GLE1: variants seen among roughly 807,000 people sequenced by gnomAD.
GLE1 encodes the protein GLE1 RNA export mediator, also known as mRNA export factor GLE1.
In GLE1, 78 loss-of-function variants were observed where a neutral mutation model predicts 97.3. The ratio of observed to expected loss-of-function variants is 0.80; its 90% CI spans 0.67 to 0.97. The LOEUF (loss-of-function observed/expected upper bound fraction) is 0.97. GLE1 is among the 50% of genes least tolerant of loss of function. GLE1 has a pLI of 0.00. For missense variants in GLE1, 753 were observed against 857.5 expected, an observed-to-expected ratio of 0.88 and a Z score of 1.52; for synonymous variants, 302 against 313.4, an observed-to-expected ratio of 0.96 and a Z score of 0.39.
chr9:128,522,832 T>C lies in GLE1; in HGVS notation c.581+16T>C. 1 of 1,613,056 alleles carries C rather than the reference T, an allele frequency of 6.2e-7. No individual in the cohort carries two copies. Among genetic ancestry groups the C allele is most frequent in the Non-Finnish European group, 8.5e-7 (1 of 1,179,188 alleles). ...TGGAGAAGAGGTGAGTCTCCCTGAA[T>C]TATGACTGGGAATGTTGATGTGTTC... On this transcript the variant is annotated intron_variant, in intron 4 of 15. Coordinates refer to ENST00000309971, the MANE Select transcript of GLE1 (RefSeq NM_001003722.2).
chr9:128,533,972 A>G lies in GLE1; in HGVS notation c.1646+21A>G, dbSNP rs201532111. 3.2e-5 allele frequency: 46 copies of G among 1,450,496 alleles called. No individual in the cohort carries two copies. In the African/African-American group the frequency reaches 5.3e-4, roughly 17 times the overall value. 89.9% of individuals were successfully genotyped at this position (1,450,496 alleles called of 1,614,324 possible). A position where few individuals can be genotyped will look rare whatever the true frequency, so the allele number is the denominator to read the frequency against. On this transcript the variant is annotated intron_variant, in intron 11 of 15. Transcript: ENST00000309971. ...CAGAGGTAAAGTTGTTTTTCTCCCT[A>G]CTCACTATCCCTAGAGTGATTAATG...
intron 3 of GLE1, among the ~76,000 whole-genome samples, chr9:128,521,970 G>A (rs538067221): frequency 2.6e-5 from 4 of 152,278 alleles, no homozygotes; most frequent in Non-Finnish European, 5.9e-5. Flanking sequence ...TGGAGGTCCA[G>A]GAGAAAATCT....
At chr9:128,520,006 C>CTT (rs1847093592) in intron 3 of GLE1, among the ~76,000 whole-genome samples, 1 of 152,162 alleles carries the variant, frequency 6.6e-6, no homozygotes, top group African/African-American at 2.4e-5. Flanking sequence ...AATCCCAGCA[C>CTT]TTTGGGAGGC....
Position 128,523,271 on chromosome 9 carries a change from T to C in GLE1, c.582-9T>C, listed in dbSNP as rs552038278. 1.9e-6 allele frequency: 3 copies of C among 1,606,214 alleles called. No homozygotes were observed. The highest frequency in any genetic ancestry group is 2.6e-6 in the Non-Finnish European group (3 of 1,172,884). On this transcript the variant is annotated splice_polypyrimidine_tract_variant and intron_variant, in intron 4 of 15. Coordinates refer to ENST00000309971, the MANE Select transcript of GLE1 (RefSeq NM_001003722.2). ...CCCTGACTATTCCTCCCTGCCATTTTTCATGCAGCTCCAGAGAAGCCTTGG... is the reference window on the plus strand; with the variant it reads ...CCCTGACTATTCCTCCCTGCCATTTCTCATGCAGCTCCAGAGAAGCCTTGG...
chr9:128,522,576 G>A (rs953419055), intron 3 of GLE1, 92 bp from the exon 4 acceptor site: 9 of 1,376,420 alleles, frequency 6.5e-6, no homozygotes, highest in African/African-American at 1.5e-5. Context: ...GCTTGAACCC[G>A]GGAGTTGGAG....
chr9:128,506,718 C>T (rs1846650207), intron 1 of GLE1, among the ~76,000 whole-genome samples: 1 of 152,152 alleles, frequency 6.6e-6, no homozygotes, highest in Non-Finnish European at 1.5e-5. Flanking sequence ...TAAATATGTA[C>T]ACACATCACC....
chr9:128,504,961 C>A (rs1309348815), intron 1 of GLE1, 57 bp downstream of exon 1: 2 of 1,176,326 alleles, frequency 1.7e-6, no homozygotes, highest in Non-Finnish European at 2.6e-6. Context: ...CCGAAACCTT[C>A]TCCCTAGCCG....
chr9:128,527,148 C>T (rs755411661), intron 7 of GLE1, 31 bp from the exon 8 acceptor site: 15 of 1,120,060 alleles, frequency 1.3e-5, no homozygotes, highest in Non-Finnish European at 2.1e-5. Flanking sequence ...TAAATACTAG[C>T]TATTACTAAA....
At chr9:128,512,096 C>T (rs1459584532) in intron 2 of GLE1, among the ~76,000 whole-genome samples, 2 of 152,206 alleles carry the variant, frequency 1.3e-5, no homozygotes, top group Non-Finnish European at 1.5e-5. Flanking sequence ...AGGCGTGAGC[C>T]ACCAGGCCCG....
rs565815098 is a variant in GLE1, at chr9:128,541,421, T to G, written c.*251T>G. On this transcript the variant is annotated 3_prime_UTR_variant, in exon 16 of 16. Transcript: ENST00000309971. Reference sequence around the variant, plus strand: ...AATGGAGTTGGCCTTTCTTGTTTTTTGCAAAAGTGATAAAAGGTCTTTAGC... The same window carrying G: ...AATGGAGTTGGCCTTTCTTGTTTTTGGCAAAAGTGATAAAAGGTCTTTAGC... 5.6e-6 allele frequency: 3 copies of G among 532,306 alleles called. No individual in the cohort carries two copies. The South Asian group carries it at 6.4e-5, about 11-fold the overall frequency. 33.0% of individuals were successfully genotyped at this position (532,306 alleles called of 1,614,324 possible).
chr9:128,530,447 T>A (rs10118391), intron 9 of GLE1, among the ~76,000 whole-genome samples: 150,495 of 152,290 alleles, frequency 0.99, 74,385 homozygotes, highest in Middle Eastern at 1. Flanking sequence ...TTAGTCTATA[T>A]CTTTGCCTTT....
chr9:128,509,205 ATTG>A, intron 2 of GLE1, 108 bp downstream of exon 2: 1 of 752,590 alleles, frequency 1.3e-6, no homozygotes, highest in Non-Finnish European at 2.4e-6. Context: ...ATGATTGCTC[ATTG>A]TTGTAGCTGT....
chr9:128,532,209 CTTT>C lies in GLE1; in HGVS notation c.1313-1279_1313-1277del, dbSNP rs1160924908. On this transcript the variant is annotated intron_variant, in intron 9 of 15. Transcript: ENST00000309971. ...TGGAAAGTAATTCAGATCTGCTTTGCTTTTTTTTTTTTTTTTTTTTTTTTTTTA... is the reference window on the plus strand; with the variant it reads ...TGGAAAGTAATTCAGATCTGCTTTGCTTTTTTTTTTTTTTTTTTTTTTTTA... Among the ~76,000 whole-genome samples, 151 of 49,376 alleles carry C rather than the reference CTTT, an allele frequency of 3.1e-3. 3 individuals carry two copies. The highest frequency in any genetic ancestry group is 4.9e-3 in the South Asian group (5 of 1,016). The allele number at this position is 49,376 out of a possible 152,430, so 32.4% of individuals were successfully genotyped here. A position where few individuals can be genotyped will look rare whatever the true frequency, so the allele number is the denominator to read the frequency against.
At chr9:128,522,914 G>A in intron 4 of GLE1, 98 bp downstream of exon 4, 1 of 1,366,536 alleles carries the variant, frequency 7.3e-7, no homozygotes. Context: ...CAACTTCTGA[G>A]TCCTTAAATA....
chr9:128,523,379 C>T lies in GLE1; in HGVS notation c.642+39C>T, dbSNP rs1368480416. 2.6e-6 allele frequency: 4 copies of T among 1,557,814 alleles called. No homozygotes were observed. The Admixed American group carries it at 5.0e-5, about 20-fold the overall frequency. On this transcript the variant is annotated intron_variant, in intron 5 of 15. Coordinates refer to ENST00000309971, the MANE Select transcript of GLE1 (RefSeq NM_001003722.2). ...AGAATTGGTGTGGGTGTTTTGGTGT[C>T]TGTCTGTAACCTGCCTGGAGAGCCA...
Position 128,513,542 on chromosome 9 carries a change from C to A in GLE1, c.322-1987C>A, listed in dbSNP as rs1004013420. On this transcript the variant is annotated intron_variant, in intron 2 of 15. Transcript: ENST00000309971. Reference sequence around the variant, plus strand: ...GACTAGCCTGCGCAACATGGGGAAACTCCATATTTACAAAAAAATTACCTG... The same window carrying A: ...GACTAGCCTGCGCAACATGGGGAAAATCCATATTTACAAAAAAATTACCTG... 2.6e-5 allele frequency among the ~76,000 whole-genome samples: 4 copies of A among 152,056 alleles called. No individual in the cohort carries two copies. The South Asian group carries it at 8.3e-4, about 32-fold the overall frequency.
chr9:128,515,244 G>C (rs1480163685), intron 2 of GLE1, among the ~76,000 whole-genome samples: 1 of 151,862 alleles, frequency 6.6e-6, no homozygotes, highest in Non-Finnish European at 1.5e-5. Flanking sequence ...TGAAGAAAGG[G>C]GAAACATTTT....
chr9:128,539,243 T>C (rs1326559583), intron 13 of GLE1, among the ~76,000 whole-genome samples: 1 of 151,852 alleles, frequency 6.6e-6, no homozygotes. Context: ...CAAAAAAAAA[T>C]AAAAAGCTCC....
rs778035951 is a variant in GLE1 at position 128,527,174 on chromosome 9, C to T, written c.1130-5C>T. 27 of 1,516,238 alleles carry T rather than the reference C, an allele frequency of 1.8e-5. No homozygotes were observed. Among genetic ancestry groups the T allele is most frequent in the Admixed American group, 5.0e-5 (3 of 59,854 alleles). The allele number at this position is 1,516,238 out of a possible 1,614,324, so 93.9% of individuals were successfully genotyped here. On this transcript the variant is annotated splice_polypyrimidine_tract_variant and splice_region_variant and intron_variant, in intron 7 of 15. Transcript: ENST00000309971. ...TATTACTAAAACCTCTCTTTTATTT[C>T]TCAGACCTCCAGGTGAAGGTACAAG...
Sources: allele counts gnomAD v4.1 joint callset (sites outside exome capture counted in the v4.1 genomes callset), GRCh38; gene constraint gnomAD v4.1.1; transcripts MANE v1.5; gene names NCBI Gene and HGNC (gene_info 2026-07-23, HGNC 2026-07-21).